The following PIK3C2G variants were observed in gnomAD, a reference collection of about 807,000 sequenced individuals.
PIK3C2G encodes the protein phosphatidylinositol-4-phosphate 3-kinase catalytic subunit type 2 gamma.
A neutral mutation model predicts 181.1 loss-of-function variants in PIK3C2G; 168 were observed. The observed-to-expected ratio is 0.93, with a 90% CI of 0.82 to 1.05. PIK3C2G has a LOEUF of 1.05. Among genes scored for constraint, PIK3C2G ranks in the 50% least tolerant of loss-of-function variants. The pLI is 0.00. For synonymous variants in PIK3C2G, 573 were observed against 592.2 expected (o/e 0.97, Z 0.47); for missense variants, 1,869 against 1,732.8 (o/e 1.08, Z -1.40).
intron 31 of PIK3C2G, among the ~76,000 whole-genome samples, chr12:18,632,478 TAGAG>T (rs1302548448): frequency 6.6e-6 from 1 of 152,086 alleles, no homozygotes; most frequent in African/African-American, 2.4e-5. Context: ...TGGACACAGA[TAGAG>T]ATATAGAAAA....
the PIK3C2G span, among the ~76,000 whole-genome samples, chr12:18,676,945 T>C: frequency 6.6e-6 from 1 of 152,068 alleles, no homozygotes. Flanking sequence ...AGCAAAACTG[T>C]TTTTCTTATT....
intron 31 of PIK3C2G, among the ~76,000 whole-genome samples, chr12:18,631,009 A>G (rs1949329466): frequency 6.6e-6 from 1 of 152,114 alleles, no homozygotes; most frequent in African/African-American, 2.4e-5. Flanking sequence ...TTGCAGTGTA[A>G]GACATTTAGA....
intron 5 of PIK3C2G, among the ~76,000 whole-genome samples, chr12:18,298,155 A>C (rs2137260846): frequency 6.6e-6 from 1 of 151,880 alleles, no homozygotes; most frequent in Non-Finnish European, 1.5e-5. Flanking sequence ...AGTGTATAAG[A>C]GCTCCCTTTT....
At chr12:18,450,038 G>A (rs1947262487) in intron 18 of PIK3C2G, among the ~76,000 whole-genome samples, 1 of 152,204 alleles carries the variant, frequency 6.6e-6, no homozygotes, top group African/African-American at 2.4e-5. Context: ...AACCAGTGAT[G>A]AGCTTTTTTT....
chr12:18,458,988 C>A (rs1271967281), intron 18 of PIK3C2G, among the ~76,000 whole-genome samples: 7 of 151,976 alleles, frequency 4.6e-5, no homozygotes, highest in Admixed American at 4.6e-4. Flanking sequence ...TGAGTCTGGA[C>A]AATACTTGGA....
the PIK3C2G span, among the ~76,000 whole-genome samples, chr12:18,676,759 C>A: frequency 6.6e-6 from 1 of 151,966 alleles, no homozygotes; most frequent in East Asian, 1.9e-4. Flanking sequence ...CAGCAAAGTC[C>A]TAAAAGGTAA....
intron 28 of PIK3C2G, 129 bp downstream of exon 28, chr12:18,563,627 C>A: frequency 1.3e-6 from 1 of 748,954 alleles, no homozygotes; most frequent in Non-Finnish European, 2.1e-6. Flanking sequence ...TTGAATCTAT[C>A]CCAGCAGAGA....
At chr12:18,718,189 T>C in the PIK3C2G span, among the ~76,000 whole-genome samples, 1 of 152,154 alleles carries the variant, frequency 6.6e-6, no homozygotes, top group Admixed American at 6.5e-5. Context: ...TTTCAAGTAT[T>C]GGGATGTAAC....
At chr12:18,413,913 T>C (rs981740415) in intron 16 of PIK3C2G, among the ~76,000 whole-genome samples, 1 of 152,156 alleles carries the variant, frequency 6.6e-6, no homozygotes, top group Non-Finnish European at 1.5e-5. Context: ...CCTCACCTCA[T>C]TGAGGATCAA....
intron 15 of PIK3C2G, among the ~76,000 whole-genome samples, chr12:18,395,158 C>T (rs1267448723): frequency 6.9e-6 from 1 of 144,530 alleles, no homozygotes; most frequent in African/African-American, 2.5e-5. Context: ...CACACACACG[C>T]ACACACAACA....
intron 15 of PIK3C2G, among the ~76,000 whole-genome samples, chr12:18,395,115 C>CTTTCTTTCTTTCTTTCTT (rs1186287291): frequency 1.4e-5 from 2 of 148,040 alleles, no homozygotes; most frequent in Non-Finnish European, 3.0e-5. Flanking sequence ...TTCTTTCTTT[C>CTTTCTTTCTTTCTTTCTT]TCTCTTTCCC....
intron 8 of PIK3C2G, among the ~76,000 whole-genome samples, chr12:18,338,181 T>G (rs924623687): frequency 6.6e-6 from 1 of 152,122 alleles, no homozygotes; most frequent in Non-Finnish European, 1.5e-5. Flanking sequence ...TTTCAAGTAA[T>G]GTCAAATTAG....
intron 29 of PIK3C2G, among the ~76,000 whole-genome samples, chr12:18,593,318 T>C (rs1306828170): frequency 5.7e-5 from 8 of 141,154 alleles, no homozygotes; most frequent in Non-Finnish European, 1.3e-4. Context: ...GAAAGACACA[T>C]TTTTTTTTCC....
intron 18 of PIK3C2G, among the ~76,000 whole-genome samples, chr12:18,487,018 C>G (rs1170944871): frequency 5.3e-5 from 8 of 151,790 alleles, no homozygotes; most frequent in African/African-American, 1.9e-4. Context: ...TTCACTGCTA[C>G]TCTTCTTAAA....
intron 18 of PIK3C2G, among the ~76,000 whole-genome samples, chr12:18,451,268 G>A (rs932540035): frequency 9.2e-5 from 14 of 152,068 alleles, no homozygotes; most frequent in Non-Finnish European, 1.9e-4. Context: ...GTGGTTTGTA[G>A]TTCTCCTTGA....
At chr12:18,708,792 T>G in the PIK3C2G span, among the ~76,000 whole-genome samples, 1 of 152,214 alleles carries the variant, frequency 6.6e-6, no homozygotes, top group Non-Finnish European at 1.5e-5. Flanking sequence ...CATATACTTG[T>G]TGGCCATTTT....
chr12:18,513,265 G>T (rs1942327803), intron 24 of PIK3C2G, among the ~76,000 whole-genome samples: 1 of 151,452 alleles, frequency 6.6e-6, no homozygotes, highest in Non-Finnish European at 1.5e-5. Context: ...TTCTTTTCTT[G>T]TAGTGTGCTT....
At chr12:18,678,804 G>A in the PIK3C2G span, among the ~76,000 whole-genome samples, 1 of 152,002 alleles carries the variant, frequency 6.6e-6, no homozygotes, top group African/African-American at 2.4e-5. Flanking sequence ...TCTATAAACA[G>A]TTATGGAAGC....
intron 12 of PIK3C2G, among the ~76,000 whole-genome samples, chr12:18,366,457 C>T (rs1024514405): frequency 6.6e-5 from 10 of 152,208 alleles, no homozygotes; most frequent in African/African-American, 1.9e-4. Context: ...TGCTTGAACA[C>T]TGGAGGAGGT....
Sources: allele counts gnomAD v4.1 joint callset (sites outside exome capture counted in the v4.1 genomes callset), GRCh38; gene constraint gnomAD v4.1.1; transcripts MANE v1.5; gene names NCBI Gene and HGNC (gene_info 2026-07-23, HGNC 2026-07-21).